FRMPD4: variants seen among roughly 807,000 people sequenced by gnomAD.
FRMPD4 encodes the protein FERM and PDZ domain containing 4.
Under a neutral mutation model 94.1 loss-of-function variants are expected in FRMPD4, and 22 were observed. That is an observed-to-expected ratio of 0.23 (90% CI 0.17 to 0.33). FRMPD4 has a LOEUF of 0.33. Among genes scored for constraint, FRMPD4 ranks in the 10% least tolerant of loss-of-function variants. FRMPD4 has a pLI of 1.00. For missense variants in FRMPD4, 1,111 were observed against 1,339.9 expected (o/e 0.83, Z 2.67); for synonymous variants, 631 against 548.6 (o/e 1.15, Z -2.10).
intron 3 of FRMPD4, among the ~76,000 whole-genome samples, chrX:11,886,062 G>A (rs1410740386): frequency 9.0e-6 from 1 of 111,640 alleles, no homozygotes; most frequent in African/African-American, 3.3e-5. Flanking sequence ...AAACCAAGGT[G>A]CCCCTGGGAG....
intron 1 of FRMPD4, among the ~76,000 whole-genome samples, chrX:12,188,652 A>G (rs1473300241): frequency 8.9e-6 from 1 of 112,025 alleles, no homozygotes; most frequent in Non-Finnish European, 1.9e-5. Context: ...AGTTTATTTC[A>G]GCAAAATCCT....
At chrX:11,885,895 A>T (rs1279428844) in intron 3 of FRMPD4, among the ~76,000 whole-genome samples, 1 of 111,982 alleles carries the variant, frequency 8.9e-6, no homozygotes, top group East Asian at 2.8e-4. Context: ...TTTCTATTCC[A>T]CTGACCTTAT....
intron 1 of FRMPD4, among the ~76,000 whole-genome samples, chrX:12,174,316 C>T (rs533575938): frequency 5.4e-5 from 6 of 111,685 alleles, no homozygotes; most frequent in Middle Eastern, 4.6e-3. Context: ...GTGTAAAAAC[C>T]ATCCTTAGCT....
intron 2 of FRMPD4, among the ~76,000 whole-genome samples, chrX:12,600,972 G>A (rs1482596424): frequency 8.9e-6 from 1 of 111,815 alleles, no homozygotes; most frequent in Non-Finnish European, 1.9e-5. Context: ...TATCTTTATT[G>A]GATGGCATTA....
At chrX:11,867,368 G>A (rs935828779) in intron 2 of FRMPD4, among the ~76,000 whole-genome samples, 1 of 111,484 alleles carries the variant, frequency 9.0e-6, no homozygotes, top group Non-Finnish European at 1.9e-5. Context: ...AGCTTTTTAA[G>A]CCAATTGTAT....
intron 3 of FRMPD4, among the ~76,000 whole-genome samples, chrX:11,878,049 A>C (rs2053794829): frequency 8.9e-6 from 1 of 111,931 alleles, no homozygotes; most frequent in East Asian, 2.8e-4. Context: ...AAAAAATATC[A>C]GGGGTCTTAT....
intron 1 of FRMPD4, among the ~76,000 whole-genome samples, chrX:12,440,003 C>T (rs1180076085): frequency 1.8e-5 from 2 of 111,455 alleles, no homozygotes; most frequent in East Asian, 2.8e-4. Flanking sequence ...TCCCGTATGA[C>T]GTTTAAAAAG....
At chrX:12,561,785 A>C (rs2058662432) in intron 2 of FRMPD4, among the ~76,000 whole-genome samples, 2 of 112,374 alleles carry the variant, frequency 1.8e-5, no homozygotes, top group Admixed American at 1.9e-4. Flanking sequence ...TCCTGGTTGC[A>C]AGTGACAGAA....
chrX:12,072,956 A>G (rs761859800), intron 3 of FRMPD4, among the ~76,000 whole-genome samples: 2 of 110,518 alleles, frequency 1.8e-5, no homozygotes, highest in South Asian at 7.7e-4. Flanking sequence ...TGCAACATGT[A>G]CTGTATCACT....
chrX:12,440,704 G>C (rs762902126), intron 1 of FRMPD4, among the ~76,000 whole-genome samples: 12 of 109,142 alleles, frequency 1.1e-4, no homozygotes, highest in East Asian at 2.8e-4. Context: ...GGACTTGGGA[G>C]GGGGGGGAGC....
intron 3 of FRMPD4, among the ~76,000 whole-genome samples, chrX:11,918,657 C>A (rs961847424): frequency 2.8e-4 from 31 of 112,493 alleles, no homozygotes; most frequent in African/African-American, 8.4e-4. Context: ...GTATTTGGGT[C>A]TCATGGGAGA....
intron 1 of FRMPD4, among the ~76,000 whole-genome samples, chrX:12,143,983 TC>T (rs1250861023): frequency 8.9e-6 from 1 of 111,824 alleles, no homozygotes; most frequent in Non-Finnish European, 1.9e-5. Context: ...ATGTTTGCCT[TC>T]CATAAATATC....
intron 1 of FRMPD4, among the ~76,000 whole-genome samples, chrX:12,176,901 G>C (rs12558224): frequency 9.0e-6 from 1 of 110,810 alleles, no homozygotes; most frequent in Non-Finnish European, 1.9e-5. Flanking sequence ...GATCCTCGGG[G>C]AGAAAAATGG....
chrX:12,130,133 A>T (rs1238164145), intron 3 of FRMPD4, among the ~76,000 whole-genome samples: 1 of 103,159 alleles, frequency 9.7e-6, no homozygotes, highest in African/African-American at 3.6e-5. Flanking sequence ...AGAGAGAGAG[A>T]GAAGGTGGAG....
At chrX:12,243,329 G>A (rs771596300) in intron 1 of FRMPD4, among the ~76,000 whole-genome samples, 10 of 112,522 alleles carry the variant, frequency 8.9e-5, no homozygotes, top group African/African-American at 2.3e-4. Context: ...AGACTATCAT[G>A]CTTATGCACA....
rs55973946 is a variant in FRMPD4 at position 11,930,107 on chromosome X, C to CAA, written c.95+52115_95+52116dup. Among the ~76,000 whole-genome samples the CAA allele has an allele frequency of 8.3e-3, 110 of 13,254 alleles. 13 individuals are homozygous for CAA. Among genetic ancestry groups the CAA allele is most frequent in the Non-Finnish European group, 0.011 (82 of 7,636 alleles). 11.5% of individuals were successfully genotyped at this position (13,254 alleles called of 115,157 possible). ...TGGGCAACAGAGTGAGACTCTGTCTCAAAAAAAAAAAAAAAAAAAAAAAAA... is the reference window on the plus strand; with the variant it reads ...TGGGCAACAGAGTGAGACTCTGTCTCAAAAAAAAAAAAAAAAAAAAAAAAAAA... On this transcript the variant is annotated intron_variant, in intron 3 of 18. Coordinates refer to the FRMPD4 transcript ENST00000640291.
intron 1 of FRMPD4, among the ~76,000 whole-genome samples, chrX:12,340,890 C>G (rs1412900208): frequency 9.0e-6 from 1 of 111,538 alleles, no homozygotes; most frequent in Non-Finnish European, 1.9e-5. Flanking sequence ...CTTGACTGCA[C>G]TCAAGGTAGA....
At chrX:12,162,056 A>C (rs991822393) in intron 1 of FRMPD4, among the ~76,000 whole-genome samples, 1 of 112,047 alleles carries the variant, frequency 8.9e-6, no homozygotes, top group African/African-American at 3.2e-5. Flanking sequence ...TGATCTACTA[A>C]AAAATAAAAA....
At chrX:11,832,371 G>T (rs1601791423) in intron 1 of FRMPD4, among the ~76,000 whole-genome samples, 2 of 111,885 alleles carry the variant, frequency 1.8e-5, no homozygotes, top group African/African-American at 6.5e-5. Flanking sequence ...TATTGAAAGA[G>T]TTAATCAAAG....
Sources: allele counts gnomAD v4.1 joint callset (sites outside exome capture counted in the v4.1 genomes callset), GRCh38; gene constraint gnomAD v4.1.1; transcripts MANE v1.5; gene names NCBI Gene and HGNC (gene_info 2026-07-23, HGNC 2026-07-21).